LRMDA: variants seen among roughly 807,000 people sequenced by gnomAD.
The protein encoded by LRMDA is leucine-rich melanocyte differentiation-associated protein.
Under a neutral mutation model 29.8 loss-of-function variants are expected in LRMDA, and 18 were observed. The ratio of observed to expected loss-of-function variants is 0.60; its 90% CI spans 0.42 to 0.90. The LOEUF (loss-of-function observed/expected upper bound fraction) is 0.90, where lower values mean the gene tolerates loss of function less well. Ranked by LOEUF, LRMDA falls within the 40% of genes least tolerant of loss-of-function variation. The pLI is 0.00. For synonymous variants in LRMDA, 125 were observed against 109.4 expected, an observed-to-expected ratio of 1.14 and a Z score of -0.89; for missense variants, 273 against 273.9, an observed-to-expected ratio of 1.00 and a Z score of 0.02.
intron 5 of LRMDA, among the ~76,000 whole-genome samples, chr10:76,130,604 A>G (rs528004428): frequency 1.9e-3 from 291 of 152,184 alleles, no homozygotes; most frequent in Non-Finnish European, 3.8e-3. Flanking sequence ...AACAGTTTGC[A>G]CGACTATTGT....
intron 2 of LRMDA, among the ~76,000 whole-genome samples, chr10:75,863,609 C>T (rs1045033017): frequency 3.9e-5 from 6 of 152,140 alleles, no homozygotes; most frequent in Non-Finnish European, 8.8e-5. Flanking sequence ...ATTTATACAA[C>T]CTCATAAAGT....
chr10:76,105,759 G>GT (rs904108711), intron 5 of LRMDA, among the ~76,000 whole-genome samples: 33 of 152,154 alleles, frequency 2.2e-4, no homozygotes, highest in East Asian at 5.8e-4. Context: ...GTTTTGTTTT[G>GT]TTTTTTTGAG....
intron 2 of LRMDA, among the ~76,000 whole-genome samples, chr10:75,615,689 G>C (rs933454034): frequency 6.6e-6 from 1 of 152,116 alleles, no homozygotes; most frequent in African/African-American, 2.4e-5. Flanking sequence ...AATAGTCATG[G>C]TATTGGAAAA....
intron 2 of LRMDA, among the ~76,000 whole-genome samples, chr10:75,869,931 A>C (rs760999208): frequency 6.6e-6 from 1 of 151,762 alleles, no homozygotes; most frequent in African/African-American, 2.4e-5. Flanking sequence ...TGCTTTCTCT[A>C]CTCTTAAACA....
At chr10:76,494,432 C>G (rs1003424622) in intron 6 of LRMDA, among the ~76,000 whole-genome samples, 1 of 150,972 alleles carries the variant, frequency 6.6e-6, no homozygotes, top group African/African-American at 2.4e-5. Context: ...ACAATGTCCC[C>G]TTATTATCCC....
chr10:76,534,901 C>T (rs2132377455), intron 6 of LRMDA, among the ~76,000 whole-genome samples: 1 of 152,218 alleles, frequency 6.6e-6, no homozygotes. Flanking sequence ...TAGTTCTATC[C>T]ACCCACCCCA....
chr10:76,015,762 C>A (rs566361333), intron 2 of LRMDA, among the ~76,000 whole-genome samples: 2 of 152,074 alleles, frequency 1.3e-5, no homozygotes, highest in Non-Finnish European at 2.9e-5. Flanking sequence ...AATGAGGTAC[C>A]CACTTAGACA....
At chr10:75,761,985 T>C (rs2132228283) in intron 2 of LRMDA, among the ~76,000 whole-genome samples, 1 of 152,138 alleles carries the variant, frequency 6.6e-6, no homozygotes, top group East Asian at 1.9e-4. Flanking sequence ...ATACTTTTTG[T>C]AGAGATGAGG....
At chr10:75,686,787 G>A (rs368638662) in intron 2 of LRMDA, among the ~76,000 whole-genome samples, 3 of 152,294 alleles carry the variant, frequency 2.0e-5, no homozygotes, top group African/African-American at 7.2e-5. Flanking sequence ...ACAAATTGAA[G>A]GTTTGTCGCA....
intron 2 of LRMDA, among the ~76,000 whole-genome samples, chr10:75,514,259 C>T (rs1212666387): frequency 6.6e-6 from 1 of 150,608 alleles, no homozygotes. Context: ...CCTTTCTTCT[C>T]CTCATCCCCC....
At chr10:75,681,908 C>A (rs941796632) in intron 2 of LRMDA, among the ~76,000 whole-genome samples, 2 of 152,104 alleles carry the variant, frequency 1.3e-5, no homozygotes, top group African/African-American at 4.8e-5. Context: ...GAATTTTTCC[C>A]AGGATTAAAC....
chr10:75,793,777 G>A (rs1272293452), intron 2 of LRMDA, among the ~76,000 whole-genome samples: 3 of 152,220 alleles, frequency 2.0e-5, no homozygotes, highest in African/African-American at 7.2e-5. Flanking sequence ...CTGCAGTACA[G>A]ATGACATGGA....
chr10:75,990,180 G>T (rs868673074), intron 2 of LRMDA, among the ~76,000 whole-genome samples: 4 of 152,176 alleles, frequency 2.6e-5, no homozygotes, highest in African/African-American at 7.2e-5. Flanking sequence ...TTATCAGAGC[G>T]TCTCACACAC....
At chr10:75,702,644 G>T (rs1289439643) in intron 2 of LRMDA, among the ~76,000 whole-genome samples, 1 of 152,178 alleles carries the variant, frequency 6.6e-6, no homozygotes, top group African/African-American at 2.4e-5. Context: ...CAGATTCATT[G>T]ATGACATATT....
At chr10:75,461,467 G>C (rs1197261644) in intron 2 of LRMDA, among the ~76,000 whole-genome samples, 1 of 152,136 alleles carries the variant, frequency 6.6e-6, no homozygotes, top group Admixed American at 6.5e-5. Flanking sequence ...TGGAAGGTGA[G>C]AGAGACCTGC....
At chr10:76,477,711 C>T (rs1842690618) in intron 6 of LRMDA, among the ~76,000 whole-genome samples, 1 of 151,970 alleles carries the variant, frequency 6.6e-6, no homozygotes, top group Non-Finnish European at 1.5e-5. Flanking sequence ...GAGATATAGA[C>T]CAATGGAACA....
At chr10:76,236,530 G>A (rs1852154962) in intron 5 of LRMDA, among the ~76,000 whole-genome samples, 1 of 152,180 alleles carries the variant, frequency 6.6e-6, no homozygotes, top group Non-Finnish European at 1.5e-5. Flanking sequence ...GACTTACTCT[G>A]CACTCTTTAA....
At chr10:76,090,656 A>G (rs377608781) in intron 5 of LRMDA, among the ~76,000 whole-genome samples, 9 of 152,336 alleles carry the variant, frequency 5.9e-5, no homozygotes, top group African/African-American at 1.9e-4. Context: ...TGGAGAAACA[A>G]CATGTGGTCA....
At chr10:76,035,487 T>G (rs2132506170) in intron 2 of LRMDA, among the ~76,000 whole-genome samples, 1 of 152,174 alleles carries the variant, frequency 6.6e-6, no homozygotes, top group African/African-American at 2.4e-5. Context: ...AAGGAAGCCT[T>G]CCCTGTCGTT....
Sources: allele counts gnomAD v4.1 joint callset (sites outside exome capture counted in the v4.1 genomes callset), GRCh38; gene constraint gnomAD v4.1.1; transcripts MANE v1.5; gene names NCBI Gene and HGNC (gene_info 2026-07-23, HGNC 2026-07-21).